The following YIPF6 variants were observed in gnomAD, a reference collection of about 807,000 sequenced individuals.
YIPF6 encodes the protein protein YIPF6.
In YIPF6, 3 loss-of-function variants were observed where a neutral mutation model predicts 16.8. The ratio of observed to expected loss-of-function variants is 0.18; its 90% CI spans 0.08 to 0.46. The LOEUF (loss-of-function observed/expected upper bound fraction) is 0.46, where lower values mean the gene tolerates loss of function less well. Among genes scored for constraint, YIPF6 ranks in the 20% least tolerant of loss-of-function variants. The pLI is 0.98. For synonymous variants in YIPF6, 67 were observed against 61.9 expected (o/e 1.08, Z -0.38); for missense variants, 145 against 184.9 (o/e 0.78, Z 1.25).
chrX:68,520,727 C>T (rs891439701), intron 4 of YIPF6, among the ~76,000 whole-genome samples: 6 of 111,844 alleles, frequency 5.4e-5, no homozygotes, highest in Non-Finnish European at 1.9e-5. Flanking sequence ...CTGTCGTGGC[C>T]TCCCAAAGTG....
chrX:68,508,643 A>G (rs930772284), intron 1 of YIPF6, among the ~76,000 whole-genome samples: 1 of 112,083 alleles, frequency 8.9e-6, no homozygotes, highest in African/African-American at 3.2e-5. Context: ...TACTATGTTC[A>G]TGTATTTCTA....
intron 6 of YIPF6, among the ~76,000 whole-genome samples, chrX:68,528,150 A>G (rs2079156768): frequency 9.0e-6 from 1 of 111,421 alleles, no homozygotes; most frequent in Non-Finnish European, 1.9e-5. Flanking sequence ...AATTTGTTTT[A>G]TGAACCTGGG....
At chrX:68,515,672 C>CTTT (rs528529230) in intron 3 of YIPF6, among the ~76,000 whole-genome samples, 1 of 102,290 alleles carries the variant, frequency 9.8e-6, no homozygotes. Context: ...TTATGGTTGA[C>CTTT]TTTTTTTTTT....
At chrX:68,508,405 A>G (rs754106133) in intron 1 of YIPF6, among the ~76,000 whole-genome samples, 9 of 111,869 alleles carry the variant, frequency 8.0e-5, no homozygotes, top group Non-Finnish European at 1.7e-4. Context: ...CGGTTAGCCT[A>G]TATCTCTTCA....
At chrX:68,521,305 C>T in intron 4 of YIPF6, 67 bp from the exon 5 acceptor site, 1 of 1,154,041 alleles carries the variant, frequency 8.7e-7, no homozygotes, top group Non-Finnish European at 1.2e-6. Context: ...AGTTTGAGAA[C>T]CCATGCCTTA....
chrX:68,529,270 A>C (rs1275512792), intron 6 of YIPF6, among the ~76,000 whole-genome samples: 3 of 108,872 alleles, frequency 2.8e-5, no homozygotes, highest in African/African-American at 1.0e-4. Context: ...TGATCGATTC[A>C]GCTATTGACA....
At chrX:68,525,413 A>T (rs752732273) in intron 6 of YIPF6, among the ~76,000 whole-genome samples, 76 of 111,374 alleles carry the variant, frequency 6.8e-4, no homozygotes, top group Non-Finnish European at 1.2e-3. Context: ...GATTGCAAAA[A>T]TTTTTTCCCA....
At chrX:68,506,317 C>A (rs973418799) in intron 1 of YIPF6, among the ~76,000 whole-genome samples, 1 of 110,640 alleles carries the variant, frequency 9.0e-6, no homozygotes, top group African/African-American at 3.3e-5. Flanking sequence ...AATCTTCTTT[C>A]TTCTACAGCC....
At chrX:68,501,057 A>T (rs1334510583) in intron 1 of YIPF6, among the ~76,000 whole-genome samples, 5 of 111,876 alleles carry the variant, frequency 4.5e-5, no homozygotes, top group African/African-American at 1.6e-4. Context: ...ATCACTCATT[A>T]CTCAATATGC....
intron 1 of YIPF6, among the ~76,000 whole-genome samples, chrX:68,508,016 T>G (rs936145171): frequency 9.0e-6 from 1 of 111,697 alleles, no homozygotes; most frequent in African/African-American, 3.2e-5. Flanking sequence ...GGTTTGTGGA[T>G]TTTTTCATTT....
chrX:68,527,029 G>A (rs1459824980), intron 6 of YIPF6, among the ~76,000 whole-genome samples: 1 of 112,095 alleles, frequency 8.9e-6, no homozygotes, highest in Non-Finnish European at 1.9e-5. Flanking sequence ...CTATTGTTTG[G>A]AATAGTTTCA....
chrX:68,517,029 C>T (rs1344542019), intron 3 of YIPF6, among the ~76,000 whole-genome samples: 1 of 111,319 alleles, frequency 9.0e-6, no homozygotes, highest in Non-Finnish European at 1.9e-5. Flanking sequence ...ACCATGTTGG[C>T]CAGGCTCATC....
intron 1 of YIPF6, among the ~76,000 whole-genome samples, chrX:68,507,853 C>T (rs761606781): frequency 9.0e-6 from 1 of 110,949 alleles, no homozygotes; most frequent in African/African-American, 3.3e-5. Context: ...ATCCACCTGC[C>T]TCGGCCTCCC....
At chrX:68,509,364 C>T (rs1385279959) in intron 1 of YIPF6, among the ~76,000 whole-genome samples, 1 of 111,018 alleles carries the variant, frequency 9.0e-6, no homozygotes, top group Non-Finnish European at 1.9e-5. Flanking sequence ...AAGCGATTCT[C>T]CTACCTCAGC....
chrX:68,534,722 T>C lies in YIPF6; in HGVS notation c.*2723T>C, dbSNP rs1369917519. On this transcript the variant is annotated 3_prime_UTR_variant, in exon 7 of 7. Transcript: ENST00000462683. ...TGTGATGGAAGTTAAGACCTAAATG[T>C]CTGGAAGTTGTAACCCTCAACACAG... The C allele has an allele frequency of 8.9e-6, 1 of 112,267 alleles. No individual in the cohort carries two copies. Among genetic ancestry groups the C allele is most frequent in the African/African-American group, 3.2e-5 (1 of 30,913 alleles). 9.3% of individuals were successfully genotyped at this position (112,267 alleles called of 1,213,427 possible).
intron 5 of YIPF6, 112 bp from the exon 6 acceptor site, chrX:68,522,648 T>C (rs928417486): frequency 2.8e-6 from 2 of 716,656 alleles, no homozygotes; most frequent in African/African-American, 2.2e-5. Context: ...GTAGATGTTA[T>C]GTACCAAGAA....
chrX:68,525,831 T>A (rs1366279058), intron 6 of YIPF6, among the ~76,000 whole-genome samples: 1 of 111,615 alleles, frequency 9.0e-6, no homozygotes, highest in South Asian at 3.8e-4. Context: ...TCTGTTCTGT[T>A]CCATCGGTCT....
chrX:68,528,239 C>G (rs1047986688), intron 6 of YIPF6, among the ~76,000 whole-genome samples: 2 of 111,435 alleles, frequency 1.8e-5, no homozygotes, highest in Non-Finnish European at 3.8e-5. Context: ...TTATGTAATG[C>G]CCTTCTTTGT....
At chrX:68,519,219 T>C (rs912123366) in intron 4 of YIPF6, among the ~76,000 whole-genome samples, 2 of 111,838 alleles carry the variant, frequency 1.8e-5, no homozygotes, top group African/African-American at 6.5e-5. Context: ...AAGATCATGT[T>C]TCAGAGTGTT....
Sources: gnomAD v4.1 joint callset for allele counts (sites outside exome capture counted in the v4.1 genomes callset) on GRCh38, gnomAD v4.1.1 for gene constraint, MANE v1.5 for transcripts, NCBI Gene and HGNC (gene_info 2026-07-23, HGNC 2026-07-21) for gene names.